Variants in UPF1 observed in about 807,000 individuals in gnomAD.
UPF1 encodes the protein UPF1 RNA helicase and ATPase.
Under a neutral mutation model 129.2 loss-of-function variants are expected in UPF1, and 9 were observed. The observed-to-expected ratio is 0.07, with a 90% CI of 0.04 to 0.12. The LOEUF (loss-of-function observed/expected upper bound fraction) is 0.12, where lower values mean the gene tolerates loss of function less well. Ranked by LOEUF, UPF1 falls within the 10% of genes least tolerant of loss-of-function variation. The probability of loss-of-function intolerance (pLI) is 1.00; values close to 1 mark genes in which losing one functional copy is unlikely to be tolerated. For missense variants in UPF1, 788 were observed against 1,525.3 expected (o/e 0.52, Z 8.05); for synonymous variants, 649 against 644.9 (o/e 1.01, Z -0.10).
At chr19:18,844,273 T>C (rs1428512689) in intron 1 of UPF1, among the ~76,000 whole-genome samples, 2 of 102,882 alleles carry the variant, frequency 1.9e-5, no homozygotes, top group Non-Finnish European at 3.9e-5. Flanking sequence ...GCAGAGGTGA[T>C]GGGAGGAGCT....
At position 18,856,060 on chromosome 19, in the gene UPF1, C is replaced by T; in HGVS notation, c.1680C>T (p.Ala560=). ...TCGACTCCCCGGTGTCTTTTCTGGC[C>T]CTGCACAACCAGATCAGGAACATGG... ...EAIDSPVSFL[A]LHNQIRNMDS... The change falls in exon 12 of 24, where the codon GCC becomes GCT. Residue 560 remains alanine (A), a synonymous_variant. Coordinates refer to ENST00000262803, the MANE Select transcript of UPF1 (RefSeq NM_002911.4). 1 of 1,614,054 alleles carries T rather than the reference C, an allele frequency of 6.2e-7. No individual in the cohort carries two copies. Among genetic ancestry groups the T allele is most frequent in the Non-Finnish European group, 8.5e-7 (1 of 1,180,014 alleles).
In UPF1 at chr19:18,860,998, G is replaced by C. The variant is rs771706061; in HGVS notation, c.2457+16G>C. 1.9e-6 allele frequency: 3 copies of C among 1,559,320 alleles called. No homozygotes were observed. Among genetic ancestry groups the C allele is most frequent in the South Asian group, 2.3e-5 (2 of 85,784 alleles). On this transcript the variant is annotated intron_variant, in intron 17 of 23. Coordinates refer to ENST00000262803, the MANE Select transcript of UPF1 (RefSeq NM_002911.4). ...GCTCTACCAGGTGCGCTGCGCCCTC[G>C]GGCACACTTGGTCTCCTGGGCCATG... is the stretch of plus-strand genomic sequence containing the variant.
rs368356872 is a variant in UPF1, at chr19:18,850,216, T to C, written c.603T>C (p.Ala201=). The C allele has an allele frequency of 6.2e-7, 1 of 1,612,402 alleles. No individual in the cohort carries two copies. The highest frequency in any genetic ancestry group is 8.5e-7 in the Non-Finnish European group (1 of 1,179,022). The part of the protein sequence containing the change: ...VFLLGFIPAK[A]DSVVVLLCRQ... ...TCCTCGGCTTCATCCCGGCCAAAGC[T>C]GACTCAGTGGTGGTGCTGCTGTGCA... Residue 201 remains alanine (A), a synonymous_variant, in exon 4 of 24, where the codon GCT becomes GCC. Transcript: ENST00000262803. This position sits in a 1 kb window ranked among gnomAD's most constrained non-coding sequence, Gnocchi z 7.1.
intron 9 of UPF1, 76 bp downstream of exon 9, chr19:18,854,785 G>A: frequency 1.2e-6 from 2 of 1,605,638 alleles, no homozygotes; most frequent in South Asian, 1.1e-5. Flanking sequence ...CCCCGTCACT[G>A]TGGAGTGGGG....
In UPF1 at chr19:18,851,531, G is replaced by A. The variant is rs1470390177; in HGVS notation, c.811-604G>A. Among the ~76,000 whole-genome samples the A allele has an allele frequency of 2.0e-5, 3 of 152,118 alleles. No individual in the cohort carries two copies. The highest frequency in any genetic ancestry group is 6.5e-5 in the Admixed American group (1 of 15,270). ...GGGTACCTTTCCACTTGGATTTTCC[G>A]GTTGCCAGATGATTTCATGATTCCC... On this transcript the variant is annotated intron_variant, in intron 5 of 23. Coordinates refer to ENST00000262803, the MANE Select transcript of UPF1 (RefSeq NM_002911.4). This position sits in a 1 kb window ranked among gnomAD's most constrained non-coding sequence, Gnocchi z 4.2.
Position 18,865,418 on chromosome 19 carries a change from G to A in UPF1, c.2987G>A (p.Gly996Asp), listed in dbSNP as rs1234857844. 1 of 1,613,982 alleles carries A rather than the reference G, an allele frequency of 6.2e-7. No homozygotes were observed. The highest frequency in any genetic ancestry group is 8.5e-7 in the Non-Finnish European group (1 of 1,179,954). ...GTCATGCCACCCATGCCACCGCCTG[G>A]CTATTTTGGACAAGCCAACGGGCCT... Reference protein sequence around the residue: ...NLVMPPMPPPGYFGQANGPAA... With the variant: ...NLVMPPMPPPDYFGQANGPAA... The change falls in exon 21 of 24, where the codon GGC becomes GAC. Residue 996 changes from glycine to aspartate, a missense_variant. Gly to Asp is a moderately conservative substitution (Grantham distance 94). Around this residue, in one of 6 missense-constraint regions of UPF1, gnomAD observed 218 missense variants for 318.1 expected, o/e 0.69. Coordinates refer to ENST00000262803, the MANE Select transcript of UPF1 (RefSeq NM_002911.4). This position sits in a 1 kb window ranked among gnomAD's most constrained non-coding sequence, Gnocchi z 6.1.
chr19:18,854,243 G>A (rs941361277), intron 8 of UPF1, among the ~76,000 whole-genome samples: 5 of 152,196 alleles, frequency 3.3e-5, no homozygotes, highest in Admixed American at 1.3e-4. Context: ...AGGAGCTCCC[G>A]GTGAGGTCCT....
At chr19:18,847,931 C>T (rs531039736) in intron 3 of UPF1, 98 bp downstream of exon 3, 79 of 1,345,144 alleles carry the variant, frequency 5.9e-5, no homozygotes, top group Middle Eastern at 2.2e-4. Context: ...TATAAAATCA[C>T]GCTAACAAAC....
chr19:18,854,861 C>T lies in UPF1; in HGVS notation c.1266-18C>T, dbSNP rs111910413. On this transcript the variant is annotated intron_variant, in intron 9 of 23. Transcript: ENST00000262803. Reference sequence around the variant, plus strand: ...GGCCACAGCTGTGCGTGTCGCCAACCCCAAACCCTCCTCACAGGATGCAGA... The same window carrying T: ...GGCCACAGCTGTGCGTGTCGCCAACTCCAAACCCTCCTCACAGGATGCAGA... The T allele has an allele frequency of 1.9e-6, 3 of 1,613,876 alleles. No homozygotes were observed. The highest frequency in any genetic ancestry group is 2.7e-5 in the African/African-American group (2 of 75,074).
In UPF1 at chr19:18,852,300, A is replaced by T; in HGVS notation, c.972+4A>T. 2 of 1,613,084 alleles carry T rather than the reference A, an allele frequency of 1.2e-6. No homozygotes were observed. Among genetic ancestry groups the T allele is most frequent in the Non-Finnish European group, 1.7e-6 (2 of 1,179,468 alleles). Reference sequence around the variant, plus strand: ...CAAGAAGCTGAAGGAGTCCCAGGTGATGTGTGCGAGAGGGCTTGGCCTGGG... The same window carrying T: ...CAAGAAGCTGAAGGAGTCCCAGGTGTTGTGTGCGAGAGGGCTTGGCCTGGG... On this transcript the variant is annotated splice_donor_region_variant and intron_variant, in intron 6 of 23. Coordinates refer to ENST00000262803, the MANE Select transcript of UPF1 (RefSeq NM_002911.4).
intron 1 of UPF1, among the ~76,000 whole-genome samples, chr19:18,839,727 G>A (rs571531643): frequency 1.3e-5 from 2 of 152,220 alleles, no homozygotes; most frequent in African/African-American, 4.8e-5. Flanking sequence ...ATCCCCTGCT[G>A]TTTTCTTACT....
In UPF1 at chr19:18,857,544, T is replaced by C. The variant is rs768054774; in HGVS notation, c.2182+11T>C. 3 of 1,605,368 alleles carry C rather than the reference T, an allele frequency of 1.9e-6. No individual in the cohort carries two copies. Among genetic ancestry groups the C allele is most frequent in the South Asian group, 2.2e-5 (2 of 89,824 alleles). ...ATGGTGTCACTGCAGGTAACGGGGC[T>C]CTGCCCAGGGCAGGGGCTTCTACAG... On this transcript the variant is annotated intron_variant, in intron 15 of 23. Transcript: ENST00000262803.
chr19:18,853,222 T>A lies in UPF1; in HGVS notation c.1058-30T>A. ...GTGGAAGCGACGGCGTGGGTTAAAA[T>A]GGCCACCTCTCTCACTTTTTTACCT... is the stretch of plus-strand genomic sequence containing the variant. On this transcript the variant is annotated intron_variant, in intron 7 of 23. Transcript: ENST00000262803. The surrounding 1 kb of genome is among the most constrained non-coding windows in gnomAD (Gnocchi z 4.4). The A allele has an allele frequency of 6.2e-7, 1 of 1,603,646 alleles. No individual in the cohort carries two copies. Among genetic ancestry groups the A allele is most frequent in the South Asian group, 1.1e-5 (1 of 90,274 alleles).
chr19:18,837,362 TAC>T (rs1388687941), intron 1 of UPF1, among the ~76,000 whole-genome samples: 1 of 152,190 alleles, frequency 6.6e-6, no homozygotes, highest in African/African-American at 2.4e-5. Context: ...GTGTTGGAAT[TAC>T]AGAGTGAGCC....
intron 2 of UPF1, 78 bp from the exon 3 acceptor site, chr19:18,847,666 G>A: frequency 7.2e-7 from 1 of 1,391,638 alleles, no homozygotes; most frequent in Non-Finnish European, 1.0e-6. Context: ...GTTGTCAGAG[G>A]AAAGAATTTC....
intron 12 of UPF1, 36 bp from the exon 13 acceptor site, chr19:18,856,145 TACAGA>T: frequency 1.2e-6 from 2 of 1,607,352 alleles, no homozygotes; most frequent in Non-Finnish European, 1.7e-6. Context: ...GGGTGACATG[TACAGA>T]ACTCAGGCAC....
intron 18 of UPF1, chr19:18,863,114 GGGGCCCTGTGGGGCCGCGTGTGCCCCGGT>G (rs1213505588): frequency 1.5e-5 from 4 of 268,100 alleles, no homozygotes; most frequent in African/African-American, 8.8e-5. Flanking sequence ...CGGCCTGCTG[GGGGCCCTGTGGGGCCGCGTGTGCCCCGGT>G]GCCTGGAAGG....
chr19:18,857,264 G>T (rs972011348), intron 14 of UPF1, 56 bp from the exon 15 acceptor site: 2 of 1,565,968 alleles, frequency 1.3e-6, no homozygotes, highest in African/African-American at 2.7e-5. Context: ...GCTAGTGTGT[G>T]TTGAGGCTGA....
At chr19:18,846,168 C>G (rs1323989620) in intron 2 of UPF1, 49 bp downstream of exon 2, 1 of 1,607,974 alleles carries the variant, frequency 6.2e-7, no homozygotes, top group South Asian at 1.1e-5. Flanking sequence ...AGGTGGGTGC[C>G]TCTGGCATGG....
Sources: allele counts gnomAD v4.1 joint callset (sites outside exome capture counted in the v4.1 genomes callset), GRCh38; gene constraint gnomAD v4.1.1; regional missense constraint gnomAD v4.1.1; non-coding constraint Gnocchi (gnomAD v3.1); transcripts MANE v1.5; gene names NCBI Gene and HGNC (gene_info 2026-07-23, HGNC 2026-07-21).